CLEC2L: variants seen among roughly 807,000 people sequenced by gnomAD.
CLEC2L encodes C-type lectin domain family 2, member L.
In CLEC2L, 14 loss-of-function variants were observed where a neutral mutation model predicts 23.6. The observed-to-expected ratio is 0.59, with a 90% CI of 0.39 to 0.93. The LOEUF is 0.93. Among genes scored for constraint, CLEC2L ranks in the 40% least tolerant of loss-of-function variants. CLEC2L has a pLI of 0.00. For missense variants in CLEC2L, 264 were observed against 282.4 expected (o/e 0.93, Z 0.47); for synonymous variants, 114 against 121.3 (o/e 0.94, Z 0.40).
In CLEC2L at chr7:139,535,648, A is replaced by G. The variant is rs1257259711; in HGVS notation, c.191-626A>G. 4.6e-5 allele frequency among the ~76,000 whole-genome samples: 7 copies of G among 152,324 alleles called. No individual in the cohort carries two copies. In the East Asian group the frequency reaches 1.3e-3, roughly 29 times the overall value. ...ATAACAAAATAAAATAAATACATGA[A>G]AATAACAAAGAGAGAACCCAGAGGA... On this transcript the variant is annotated intron_variant, in intron 1 of 4. Coordinates refer to ENST00000422142, the MANE Select transcript of CLEC2L (RefSeq NM_001080511.4).
At chr7:139,537,014 C>T (rs932385681) in intron 2 of CLEC2L, among the ~76,000 whole-genome samples, 7 of 146,236 alleles carry the variant, frequency 4.8e-5, no homozygotes, top group Non-Finnish European at 1.5e-5. Context: ...CACATTCAGT[C>T]AGCATTTATT....
chr7:139,532,928 C>T (rs1373354935), intron 1 of CLEC2L, among the ~76,000 whole-genome samples: 1 of 152,124 alleles, frequency 6.6e-6, no homozygotes, highest in African/African-American at 2.4e-5. Context: ...AGAGAAATTC[C>T]GATATTGTCT....
Position 139,526,051 on chromosome 7 carries a change from C to A in CLEC2L, c.190+1934C>A, listed in dbSNP as rs74853768. Among the ~76,000 whole-genome samples, 819 of 152,310 alleles carry A rather than the reference C, an allele frequency of 5.4e-3. 9 individuals carry two copies. Among genetic ancestry groups the A allele is most frequent in the African/African-American group, 0.018 (767 of 41,570 alleles). On this transcript the variant is annotated intron_variant, in intron 1 of 4. Transcript: ENST00000422142. ...TTCCCCTGGTCTCCCCAGGAGCAGT[C>A]CCACTCCTGATGGCCTGTGGTCCTT...
intron 1 of CLEC2L, among the ~76,000 whole-genome samples, chr7:139,532,314 TG>T (rs1286910890): frequency 6.6e-6 from 1 of 152,224 alleles, no homozygotes; most frequent in Non-Finnish European, 1.5e-5. Context: ...GCAGTGGTTT[TG>T]CTCTACCCTT....
At chr7:139,529,007 G>A (rs749150407) in intron 1 of CLEC2L, among the ~76,000 whole-genome samples, 4 of 152,230 alleles carry the variant, frequency 2.6e-5, no homozygotes, top group Admixed American at 2.0e-4. Flanking sequence ...GTCATTTGGT[G>A]TAACTAAATT....
intron 1 of CLEC2L, among the ~76,000 whole-genome samples, chr7:139,530,072 T>C (rs890603000): frequency 4.0e-5 from 6 of 150,158 alleles, no homozygotes; most frequent in African/African-American, 1.5e-4. Flanking sequence ...TAATCCCAGC[T>C]ACTCAGGAGG....
At chr7:139,530,296 A>C (rs1188165801) in intron 1 of CLEC2L, among the ~76,000 whole-genome samples, 1 of 152,198 alleles carries the variant, frequency 6.6e-6, no homozygotes, top group Non-Finnish European at 1.5e-5. Flanking sequence ...GAACAAGTGG[A>C]TAAACGGTAA....
Position 139,532,040 on chromosome 7 carries a change from T to G in CLEC2L, c.191-4234T>G, listed in dbSNP as rs995377532. 7.9e-5 allele frequency among the ~76,000 whole-genome samples: 12 copies of G among 152,266 alleles called. No homozygotes were observed. The South Asian group carries it at 1.2e-3, about 16-fold the overall frequency. On this transcript the variant is annotated intron_variant, in intron 1 of 4. Coordinates refer to ENST00000422142, the MANE Select transcript of CLEC2L (RefSeq NM_001080511.4). ...GGCATGGCATGCAATGATGAAATTT[T>G]AGAACATTGTGCAATGAAGACCCTA...
intron 2 of CLEC2L, among the ~76,000 whole-genome samples, chr7:139,538,678 G>A (rs1585201573): frequency 6.6e-6 from 1 of 152,044 alleles, no homozygotes; most frequent in East Asian, 1.9e-4. Context: ...GAATCCGGGA[G>A]GCAGAGGTTG....
chr7:139,532,626 G>C (rs1454576649), intron 1 of CLEC2L, among the ~76,000 whole-genome samples: 2 of 152,184 alleles, frequency 1.3e-5, no homozygotes, highest in African/African-American at 2.4e-5. Context: ...TATTGAGGTG[G>C]GTAATTGAGC....
chr7:139,524,236 G>C, intron 1 of CLEC2L, 119 bp downstream of exon 1: 1 of 1,047,836 alleles, frequency 9.5e-7, no homozygotes, highest in Non-Finnish European at 1.2e-6. Flanking sequence ...CTGGGAGCGC[G>C]GCGCCGGGAC....
At chr7:139,541,110 A>C (rs1169390664) in intron 3 of CLEC2L, among the ~76,000 whole-genome samples, 1 of 151,960 alleles carries the variant, frequency 6.6e-6, no homozygotes, top group African/African-American at 2.4e-5. Flanking sequence ...CTGGGTTCAA[A>C]TGATTCTCGT....
rs1175468015 is a variant in CLEC2L, at chr7:139,523,810, T to C, written c.-118T>C. The stretch of plus-strand genomic sequence containing the variant: ...CCCCGGCCTGCCAGCGCCGCGGTCC[T>C]AGCCCACCCGAGGCCGGCCTGGGGG... On this transcript the variant is annotated 5_prime_UTR_variant, in exon 1 of 5. Transcript: ENST00000422142. The surrounding 1 kb of genome is among the most constrained non-coding windows in gnomAD (Gnocchi z 4.1). The C allele has an allele frequency of 1.6e-5, 10 of 618,990 alleles. No homozygotes were observed. The highest frequency in any genetic ancestry group is 1.8e-5 in the Non-Finnish European group (9 of 497,396). The allele number at this position is 618,990 out of a possible 1,614,324, so 38.3% of individuals were successfully genotyped here.
chr7:139,536,249 G>A, intron 1 of CLEC2L, 25 bp from the exon 2 acceptor site: 2 of 1,547,536 alleles, frequency 1.3e-6, no homozygotes, highest in South Asian at 1.2e-5. Context: ...GCGGTGGGAT[G>A]TTGAACCCCT....
intron 1 of CLEC2L, among the ~76,000 whole-genome samples, chr7:139,525,800 C>G (rs957681951): frequency 5.9e-5 from 9 of 152,180 alleles, no homozygotes; most frequent in Non-Finnish European, 1.0e-4. Flanking sequence ...CTGACTTCCA[C>G]CCCCTTGTGC....
chr7:139,526,144 G>T (rs181904724), intron 1 of CLEC2L, among the ~76,000 whole-genome samples: 5 of 152,290 alleles, frequency 3.3e-5, no homozygotes, highest in African/African-American at 1.2e-4. Context: ...TCTGAGTCTG[G>T]CCAGGGGCCT....
rs1252669172 is a variant in CLEC2L, at chr7:139,527,699, G to C, written c.190+3582G>C. On this transcript the variant is annotated intron_variant, in intron 1 of 4. Coordinates refer to ENST00000422142, the MANE Select transcript of CLEC2L (RefSeq NM_001080511.4). ...GGGGCAGAGTGGCCTGGGGGTATGG[G>C]AGAGGGGACAGAGTGAGCCTGCGTG... Among the ~76,000 whole-genome samples the C allele has an allele frequency of 2.6e-5, 4 of 152,166 alleles. No homozygotes were observed. The East Asian group carries it at 5.8e-4, about 22-fold the overall frequency.
At position 139,524,072 on chromosome 7, in the gene CLEC2L, G is replaced by A. The variant is rs962201669; in HGVS notation, c.145G>A (p.Gly49Arg). 3 of 1,225,506 alleles carry A rather than the reference G, an allele frequency of 2.4e-6. No homozygotes were observed. The highest frequency in any genetic ancestry group is 3.1e-6 in the Non-Finnish European group (3 of 981,778). 75.9% of individuals were successfully genotyped at this position (1,225,506 alleles called of 1,614,324 possible). The change falls in exon 1 of 5, where the codon GGG (glycine) becomes AGG (arginine). Residue 49 changes from glycine to arginine, a missense_variant. Transcript: ENST00000422142. ...CCCCGAGGGGCTGCTGCGGCGATCC[G>A]GGTCGGGCTACGAGGGCAGCACCAG... Reference protein sequence around the residue: ...RGPEGLLRRSGSGYEGSTSWK... With the variant: ...RGPEGLLRRSRSGYEGSTSWK...
chr7:139,538,659 G>T (rs575285825), intron 2 of CLEC2L, among the ~76,000 whole-genome samples: 9 of 152,284 alleles, frequency 5.9e-5, no homozygotes, highest in Admixed American at 2.6e-4. Flanking sequence ...TGAGGCGGGA[G>T]AATTGCTTGA....
Sources: gnomAD v4.1 joint callset for allele counts (sites outside exome capture counted in the v4.1 genomes callset) on GRCh38, gnomAD v4.1.1 for gene constraint, Gnocchi (gnomAD v3.1) non-coding constraint, MANE v1.5 for transcripts, NCBI Gene and HGNC (gene_info 2026-07-23, HGNC 2026-07-21) for gene names.